Variants in ASIC2 observed in about 807,000 individuals in gnomAD.
ASIC2 encodes acid sensing ion channel subunit 2.
In ASIC2, 25 loss-of-function variants were observed where a neutral mutation model predicts 57.3. The ratio of observed to expected loss-of-function variants is 0.44; its 90% CI spans 0.32 to 0.61. The LOEUF (loss-of-function observed/expected upper bound fraction) is 0.61. Ranked by LOEUF, ASIC2 falls within the 20% of genes least tolerant of loss-of-function variation. The pLI, the probability that ASIC2 is intolerant of heterozygous loss-of-function variation, is 0.06. For missense variants in ASIC2, 641 were observed against 738.1 expected (o/e 0.87, Z 1.52); for synonymous variants, 319 against 307.5 (o/e 1.04, Z -0.39).
intron 2 of ASIC2, among the ~76,000 whole-genome samples, chr17:33,110,994 C>T (rs762653731): frequency 6.6e-6 from 1 of 152,188 alleles, no homozygotes; most frequent in Non-Finnish European, 1.5e-5. Context: ...ATCCATGGTT[C>T]CCAGTCTTGG....
chr17:33,526,525 C>A (rs749094996), intron 1 of ASIC2, among the ~76,000 whole-genome samples: 3 of 152,146 alleles, frequency 2.0e-5, no homozygotes, highest in Non-Finnish European at 4.4e-5. Context: ...TTCTTTGGGG[C>A]TTTCTCTCCA....
intron 1 of ASIC2, among the ~76,000 whole-genome samples, chr17:33,133,881 C>T (rs7211567): frequency 0.25 from 38,227 of 152,030 alleles, 4,909 homozygotes; most frequent in East Asian, 0.35. Flanking sequence ...GAAGGCTTAG[C>T]GGTGGAGGGC....
At chr17:33,210,805 C>G (rs1907239982) in intron 1 of ASIC2, among the ~76,000 whole-genome samples, 1 of 152,150 alleles carries the variant, frequency 6.6e-6, no homozygotes, top group Non-Finnish European at 1.5e-5. Context: ...AGGAATTCCT[C>G]AAAAGAAAAC....
At chr17:33,689,559 C>T (rs185328507) in intron 1 of ASIC2, among the ~76,000 whole-genome samples, 11 of 151,512 alleles carry the variant, frequency 7.3e-5, no homozygotes, top group African/African-American at 2.7e-4. Context: ...GGCAACCAAT[C>T]TGTACCAATT....
chr17:34,019,423 G>A (rs1337886174), intron 1 of ASIC2, among the ~76,000 whole-genome samples: 1 of 152,134 alleles, frequency 6.6e-6, no homozygotes, highest in African/African-American at 2.4e-5. Flanking sequence ...GTCAATCACT[G>A]CAGCAAACTT....
chr17:34,065,748 A>G lies in ASIC2; in HGVS notation c.555+90230T>C, dbSNP rs552797764. Among the ~76,000 whole-genome samples, 7 of 152,254 alleles carry G rather than the reference A, an allele frequency of 4.6e-5. No individual in the cohort carries two copies. In the East Asian group the frequency reaches 9.7e-4, roughly 21 times the overall value. On this transcript the variant is annotated intron_variant, in intron 1 of 9. Transcript: ENST00000359872. ...AGGGACGTAGATGAATAAGAGGAAA[A>G]CAGGGGCATGCAACAAGTTAAAAAG...
At chr17:34,123,992 G>C (rs1014804600) in intron 1 of ASIC2, among the ~76,000 whole-genome samples, 1 of 152,172 alleles carries the variant, frequency 6.6e-6, no homozygotes, top group Non-Finnish European at 1.5e-5. Flanking sequence ...TGACACAGGA[G>C]AATCACTTAA....
At chr17:33,217,180 G>T (rs571412177) in intron 1 of ASIC2, among the ~76,000 whole-genome samples, 1 of 152,292 alleles carries the variant, frequency 6.6e-6, no homozygotes, top group Admixed American at 6.5e-5. Flanking sequence ...GACAGCAAAA[G>T]GCCCTGTTTC....
intron 1 of ASIC2, among the ~76,000 whole-genome samples, chr17:33,667,295 T>C (rs1907507510): frequency 6.6e-6 from 1 of 152,116 alleles, no homozygotes; most frequent in Admixed American, 6.5e-5. Context: ...TCCAGCAGTA[T>C]GGGAGGGCAG....
chr17:33,701,794 C>A (rs1024395356), intron 1 of ASIC2, among the ~76,000 whole-genome samples: 1 of 152,226 alleles, frequency 6.6e-6, no homozygotes, highest in African/African-American at 2.4e-5. Flanking sequence ...ATTAAGATGG[C>A]AATCAGGCTT....
chr17:33,019,953 C>T (rs1412744312), intron 7 of ASIC2, among the ~76,000 whole-genome samples: 1 of 152,052 alleles, frequency 6.6e-6, no homozygotes, highest in Admixed American at 6.5e-5. Flanking sequence ...CCTGGGTCCT[C>T]TTTATGGAAA....
In ASIC2 at chr17:33,779,967, C is replaced by CTTTTTTTTTTT. The variant is rs759850922; in HGVS notation, c.555+376000_555+376010dup. Among the ~76,000 whole-genome samples the CTTTTTTTTTTT allele has an allele frequency of 1.3e-4, 11 of 85,204 alleles. 1 individual carries two copies. Among genetic ancestry groups the CTTTTTTTTTTT allele is most frequent in the African/African-American group, 1.9e-4 (4 of 20,746 alleles). The allele number at this position is 85,204 out of a possible 152,430, so 55.9% of individuals were successfully genotyped here. On this transcript the variant is annotated intron_variant, in intron 1 of 9. Coordinates refer to the ASIC2 transcript ENST00000359872. ...TAGACCCAGGTCTGGCTACAGAAGCCTTTTTTTTTTTTTTTTTTTTTGAGA... is the reference window on the plus strand; with the variant it reads ...TAGACCCAGGTCTGGCTACAGAAGCCTTTTTTTTTTTTTTTTTTTTTTTTTTTTTTTTGAGA...
chr17:34,015,259 A>G (rs1407959818), intron 1 of ASIC2, among the ~76,000 whole-genome samples: 1 of 151,834 alleles, frequency 6.6e-6, no homozygotes, highest in Non-Finnish European at 1.5e-5. Flanking sequence ...GGGTGACAGA[A>G]AGGCTCTTAC....
intron 2 of ASIC2, among the ~76,000 whole-genome samples, chr17:33,095,411 G>A (rs2092174530): frequency 6.6e-6 from 1 of 152,156 alleles, no homozygotes; most frequent in Non-Finnish European, 1.5e-5. Context: ...AGATCTCTTG[G>A]GGACAGGGTC....
intron 1 of ASIC2, among the ~76,000 whole-genome samples, chr17:33,732,305 T>C: frequency 6.6e-6 from 1 of 152,206 alleles, no homozygotes; most frequent in East Asian, 1.9e-4. Context: ...CAGACTTTTC[T>C]GAATTCTTCC....
chr17:33,125,334 A>G (rs1365539863), intron 1 of ASIC2, among the ~76,000 whole-genome samples: 1 of 152,220 alleles, frequency 6.6e-6, no homozygotes, highest in Non-Finnish European at 1.5e-5. Context: ...GCCACTTACT[A>G]GCTTTTTAAG....
At chr17:33,864,848 T>C (rs1166249150) in intron 1 of ASIC2, among the ~76,000 whole-genome samples, 1 of 152,312 alleles carries the variant, frequency 6.6e-6, no homozygotes, top group East Asian at 1.9e-4. Flanking sequence ...AAATGAGCCT[T>C]TCTGTCTCTG....
At chr17:33,283,930 G>A (rs1158057725) in intron 1 of ASIC2, among the ~76,000 whole-genome samples, 1 of 152,218 alleles carries the variant, frequency 6.6e-6, no homozygotes, top group African/African-American at 2.4e-5. Flanking sequence ...GGAACCCTAA[G>A]TCAGGGCTTC....
At chr17:33,799,907 C>T (rs894345743) in intron 1 of ASIC2, among the ~76,000 whole-genome samples, 4 of 152,146 alleles carry the variant, frequency 2.6e-5, no homozygotes, top group Admixed American at 6.5e-5. Context: ...ACAAATACTG[C>T]GGCCATGCTT....
Sources: gnomAD v4.1 joint callset for allele counts (sites outside exome capture counted in the v4.1 genomes callset) on GRCh38, gnomAD v4.1.1 for gene constraint, MANE v1.5 for transcripts, NCBI Gene and HGNC (gene_info 2026-07-23, HGNC 2026-07-21) for gene names.